PCDH19: variants seen among roughly 807,000 people sequenced by gnomAD.
The protein encoded by PCDH19 is protocadherin 19, also known as protocadherin-19.
A neutral mutation model predicts 46.2 loss-of-function variants in PCDH19; 6 were observed. The ratio of observed to expected loss-of-function variants is 0.13; its 90% CI spans 0.07 to 0.26. The LOEUF is 0.26. Among genes scored for constraint, PCDH19 ranks in the 10% least tolerant of loss-of-function variants. The pLI is 1.00. For missense variants in PCDH19, 740 were observed against 972.3 expected, an observed-to-expected ratio of 0.76 and a Z score of 3.18; for synonymous variants, 481 against 415.7, an observed-to-expected ratio of 1.16 and a Z score of -1.91.
chrX:100,300,695 A>G (rs780727502), intron 5 of PCDH19, among the ~76,000 whole-genome samples: 2 of 111,629 alleles, frequency 1.8e-5, no homozygotes, highest in Non-Finnish European at 3.8e-5. Flanking sequence ...AGTTGTCCCT[A>G]GGATTTGCAA....
At chrX:100,357,872 G>A (rs768349247) in intron 3 of PCDH19, among the ~76,000 whole-genome samples, 20 of 112,074 alleles carry the variant, frequency 1.8e-4, no homozygotes, top group Admixed American at 8.6e-4. Context: ...TTTAGCATGC[G>A]TTCATATAAT....
chrX:100,330,443 T>C (rs776139317), intron 5 of PCDH19, among the ~76,000 whole-genome samples: 4 of 112,332 alleles, frequency 3.6e-5, no homozygotes, highest in Admixed American at 2.8e-4. Context: ...GGAAAATATA[T>C]CTCTGGCATT....
At chrX:100,301,019 A>G (rs1924762341) in intron 5 of PCDH19, among the ~76,000 whole-genome samples, 1 of 111,042 alleles carries the variant, frequency 9.0e-6, no homozygotes, top group East Asian at 2.8e-4. Flanking sequence ...AAGTAATTCA[A>G]ACAGAAAAAG....
intron 5 of PCDH19, among the ~76,000 whole-genome samples, chrX:100,300,909 T>C (rs898841016): frequency 8.2e-5 from 2 of 24,335 alleles, no homozygotes; most frequent in African/African-American, 1.2e-4. Context: ...CCAAAACCCC[T>C]GGCCAAAAAA....
chrX:100,315,283 A>C (rs184555239), intron 5 of PCDH19, among the ~76,000 whole-genome samples: 124 of 112,551 alleles, frequency 1.1e-3, no homozygotes, highest in Non-Finnish European at 1.9e-3. Context: ...TTTCCCTATT[A>C]GGAGAATGAA....
chrX:100,342,116 T>G, intron 4 of PCDH19, 41 bp from the exon 5 acceptor site: 4 of 1,154,000 alleles, frequency 3.5e-6, no homozygotes, highest in Non-Finnish European at 3.6e-6. Context: ...CCGTGACAGA[T>G]CTGATTTTAA....
chrX:100,322,832 A>AAT (rs1925535468), intron 5 of PCDH19, among the ~76,000 whole-genome samples: 1 of 30,131 alleles, frequency 3.3e-5, no homozygotes, highest in African/African-American at 2.0e-4. Context: ...TATATTCCTA[A>AAT]GTATATATAT....
At chrX:100,304,941 C>T (rs1248972877) in intron 5 of PCDH19, among the ~76,000 whole-genome samples, 2 of 111,977 alleles carry the variant, frequency 1.8e-5, no homozygotes, top group African/African-American at 6.5e-5. Context: ...GCATCCAAAC[C>T]AAAGAATAAT....
intron 2 of PCDH19, 45 bp downstream of exon 2, chrX:100,403,479 A>G: frequency 8.4e-7 from 1 of 1,195,586 alleles, no homozygotes; most frequent in Non-Finnish European, 1.1e-6. Context: ...TCCTAGAAAA[A>G]TCTAATAGCC....
intron 3 of PCDH19, among the ~76,000 whole-genome samples, chrX:100,395,676 T>C (rs1331539453): frequency 8.9e-6 from 1 of 112,923 alleles, no homozygotes; most frequent in Non-Finnish European, 1.9e-5. Flanking sequence ...ACAAGTAAGG[T>C]TTCTGCACAG....
chrX:100,343,669 T>C (rs1480460896), intron 4 of PCDH19, among the ~76,000 whole-genome samples: 1 of 111,963 alleles, frequency 8.9e-6, no homozygotes, highest in Non-Finnish European at 1.9e-5. Context: ...CCATAAATTA[T>C]GCATCTGAAA....
At chrX:100,298,955 C>T (rs1360593043) in intron 5 of PCDH19, among the ~76,000 whole-genome samples, 1 of 111,589 alleles carries the variant, frequency 9.0e-6, no homozygotes, top group Non-Finnish European at 1.9e-5. Context: ...GTTTTTGCCT[C>T]TTCATCTCTT....
chrX:100,299,390 C>T (rs1481011605), intron 5 of PCDH19, among the ~76,000 whole-genome samples: 5 of 111,527 alleles, frequency 4.5e-5, no homozygotes, highest in Non-Finnish European at 9.4e-5. Flanking sequence ...AAGTGACTGT[C>T]CTCTAATTTT....
intron 5 of PCDH19, among the ~76,000 whole-genome samples, chrX:100,298,247 A>G (rs936245000): frequency 9.0e-6 from 1 of 111,456 alleles, no homozygotes; most frequent in African/African-American, 3.3e-5. Flanking sequence ...GAAGGGGCAC[A>G]AGGCAGAGGG....
At chrX:100,359,582 C>T (rs1373419431) in intron 3 of PCDH19, among the ~76,000 whole-genome samples, 3 of 111,271 alleles carry the variant, frequency 2.7e-5, no homozygotes, top group Admixed American at 9.5e-5. Flanking sequence ...CAATAAGAAA[C>T]CCATATAAGA....
At chrX:100,331,925 C>T (rs769599474) in intron 5 of PCDH19, among the ~76,000 whole-genome samples, 4 of 110,127 alleles carry the variant, frequency 3.6e-5, no homozygotes, top group African/African-American at 9.8e-5. Flanking sequence ...TGGAGTAACA[C>T]AATGATTTTT....
rs190834178 is a variant in PCDH19, at chrX:100,368,157, G to C, written c.2617-17453C>G. ...AAGGGGTAGCTAATTAAACCACAGA[G>C]ACTTATTTTTTGAGCCAGTAAAGGT... On this transcript the variant is annotated intron_variant, in intron 3 of 5. Coordinates refer to ENST00000373034, the MANE Select transcript of PCDH19 (RefSeq NM_001184880.2). 2.9e-3 allele frequency among the ~76,000 whole-genome samples: 329 copies of C among 111,746 alleles called. 2 individuals are homozygous for C. Among genetic ancestry groups the C allele is most frequent in the African/African-American group, 0.01 (313 of 30,770 alleles).
In PCDH19 at chrX:100,350,653, T is replaced by C. The variant is rs778668005; in HGVS notation, c.2668A>G (p.Ile890Val). ...SNYVNSRAHL[I>V]KSSSTFKDLE... is the part of the protein sequence containing the mutation. ...GCAAGCAAACCAACATACCTCTTGA[T>C]TAAATGGGCTCGGCTATTCACGTAG... Residue 890 changes from isoleucine (I) to valine (V), a missense_variant, in exon 4 of 6, where the codon ATC (isoleucine) becomes GTC (valine). Coordinates refer to ENST00000373034, the MANE Select transcript of PCDH19 (RefSeq NM_001184880.2). The C allele has an allele frequency of 9.3e-6, 11 of 1,185,596 alleles. No homozygotes were observed. Among genetic ancestry groups the C allele is most frequent in the Admixed American group, 2.2e-5 (1 of 45,840 alleles).
chrX:100,342,168 C>T, intron 4 of PCDH19, 93 bp from the exon 5 acceptor site: 1 of 766,464 alleles, frequency 1.3e-6, no homozygotes, highest in Non-Finnish European at 2.0e-6. Context: ...TGTAATGAGG[C>T]AAACAGTGGC....
Sources: allele counts gnomAD v4.1 joint callset (sites outside exome capture counted in the v4.1 genomes callset), GRCh38; gene constraint gnomAD v4.1.1; transcripts MANE v1.5; gene names NCBI Gene and HGNC (gene_info 2026-07-23, HGNC 2026-07-21).